GULP1: variants seen among roughly 807,000 people sequenced by gnomAD.
GULP1 encodes PTB domain-containing engulfment adapter protein 1.
A neutral mutation model predicts 40.9 loss-of-function variants in GULP1; 19 were observed. That is an observed-to-expected ratio of 0.46 (90% CI 0.32 to 0.68). The LOEUF is 0.68. Ranked by LOEUF, GULP1 falls within the 30% of genes least tolerant of loss-of-function variation. The probability of loss-of-function intolerance (pLI) is 0.03; values close to 1 mark genes in which losing one functional copy is unlikely to be tolerated. For missense variants in GULP1, 312 were observed against 362.2 expected (o/e 0.86, Z 1.12); for synonymous variants, 119 against 117.6 (o/e 1.01, Z -0.08).
At chr2:188,319,096 TA>T (rs1242305758) in intron 1 of GULP1, among the ~76,000 whole-genome samples, 1 of 152,196 alleles carries the variant, frequency 6.6e-6, no homozygotes, top group Non-Finnish European at 1.5e-5. Flanking sequence ...GGAACATGAT[TA>T]AAGCTGTTAT....
chr2:188,593,912 A>G lies in GULP1; in HGVS notation c.844-28A>G, dbSNP rs754421247. The G allele has an allele frequency of 4.1e-6, 5 of 1,225,784 alleles. No homozygotes were observed. In the African/African-American group the frequency reaches 4.5e-5, roughly 11 times the overall value. 75.9% of individuals were successfully genotyped at this position (1,225,784 alleles called of 1,614,324 possible). A position where few individuals can be genotyped will look rare whatever the true frequency, so the allele number is the denominator to read the frequency against. On this transcript the variant is annotated intron_variant, in intron 11 of 11. Coordinates refer to ENST00000409830, the MANE Select transcript of GULP1 (RefSeq NM_016315.4). The stretch of plus-strand genomic sequence containing the variant: ...TTTTATTTTGCTGTAAGCATTTCAG[A>G]TATTAATTATTTTATTCTGTTTTAC...
intron 1 of GULP1, among the ~76,000 whole-genome samples, chr2:188,296,298 A>T (rs2034913551): frequency 6.6e-6 from 1 of 152,138 alleles, no homozygotes; most frequent in Admixed American, 6.5e-5. Context: ...CTTTATTTTT[A>T]AAGAGAATGG....
At chr2:188,474,311 A>G (rs1179523040) in intron 2 of GULP1, among the ~76,000 whole-genome samples, 3 of 152,180 alleles carry the variant, frequency 2.0e-5, no homozygotes, top group African/African-American at 7.2e-5. Context: ...GGACTCACCT[A>G]AAACTTGCAT....
intron 1 of GULP1, among the ~76,000 whole-genome samples, chr2:188,298,490 A>G (rs1484260441): frequency 6.6e-6 from 1 of 152,096 alleles, no homozygotes; most frequent in African/African-American, 2.4e-5. Context: ...GCAAAAGTCT[A>G]TTGGTATTTT....
intron 9 of GULP1, among the ~76,000 whole-genome samples, chr2:188,577,606 TCA>T (rs1453221774): frequency 6.6e-6 from 1 of 151,612 alleles, no homozygotes; most frequent in Non-Finnish European, 1.5e-5. Flanking sequence ...CCTGGTCAAG[TCA>T]TTTAGCCTCT....
At chr2:188,364,249 A>AT (rs2046450261) in intron 1 of GULP1, among the ~76,000 whole-genome samples, 1 of 151,960 alleles carries the variant, frequency 6.6e-6, no homozygotes, top group African/African-American at 2.4e-5. Flanking sequence ...GGGTGTTTGC[A>AT]TTTCTGTTAT....
intron 1 of GULP1, among the ~76,000 whole-genome samples, chr2:188,301,677 C>T (rs1279958404): frequency 6.6e-6 from 1 of 152,130 alleles, no homozygotes; most frequent in Admixed American, 6.5e-5. Context: ...AGTCATATGT[C>T]ACATGTCAGG....
At chr2:188,396,948 G>A (rs1263805021) in intron 2 of GULP1, among the ~76,000 whole-genome samples, 1 of 152,164 alleles carries the variant, frequency 6.6e-6, no homozygotes, top group Non-Finnish European at 1.5e-5. Flanking sequence ...GCACTGGTTA[G>A]GGTAAGGCCT....
Position 188,386,959 on chromosome 2 carries a change from C to T in GULP1, c.-45+3070C>T, listed in dbSNP as rs183808159. Among the ~76,000 whole-genome samples the T allele has an allele frequency of 4.6e-5, 7 of 152,158 alleles. No individual in the cohort carries two copies. The East Asian group carries it at 1.2e-3, about 25-fold the overall frequency. ...AGAGGAAAAGTGAATGTTATATGGC[C>T]GAGTGTGGTGGCTCATGCCTGTAAT... On this transcript the variant is annotated intron_variant, in intron 2 of 11. Transcript: ENST00000409830.
At chr2:188,542,127 T>C (rs944991894) in intron 7 of GULP1, 6 of 151,672 alleles carry the variant, frequency 4.0e-5, no homozygotes, top group African/African-American at 1.5e-4. Flanking sequence ...AAAAAACAAC[T>C]TAAAATAATG....
intron 4 of GULP1, among the ~76,000 whole-genome samples, chr2:188,486,672 A>G (rs2061888721): frequency 6.6e-6 from 1 of 151,918 alleles, no homozygotes; most frequent in African/African-American, 2.4e-5. Flanking sequence ...TAGTGTAATG[A>G]TTTGAGATCA....
chr2:188,431,692 G>A (rs868844069), intron 2 of GULP1, among the ~76,000 whole-genome samples: 7 of 151,750 alleles, frequency 4.6e-5, no homozygotes, highest in Non-Finnish European at 5.9e-5. Flanking sequence ...ATCTTATCAC[G>A]ACTTACAAAA....
At chr2:188,341,248 G>A (rs1272962301) in intron 1 of GULP1, among the ~76,000 whole-genome samples, 2 of 152,094 alleles carry the variant, frequency 1.3e-5, no homozygotes, top group Non-Finnish European at 2.9e-5. Flanking sequence ...TGAAGCAGGA[G>A]CAGGCACATC....
intron 1 of GULP1, among the ~76,000 whole-genome samples, chr2:188,321,783 G>A (rs556872641): frequency 6.6e-6 from 1 of 152,158 alleles, no homozygotes; most frequent in East Asian, 1.9e-4. Flanking sequence ...TTGGGAGTCA[G>A]AGGCGGGCAG....
At chr2:188,340,363 G>C (rs1364159522) in intron 1 of GULP1, among the ~76,000 whole-genome samples, 1 of 152,144 alleles carries the variant, frequency 6.6e-6, no homozygotes, top group Non-Finnish European at 1.5e-5. Flanking sequence ...CCCTTCACAG[G>C]CCTTGCAACA....
At chr2:188,330,353 C>G (rs1381820927) in intron 1 of GULP1, among the ~76,000 whole-genome samples, 1 of 152,042 alleles carries the variant, frequency 6.6e-6, no homozygotes, top group African/African-American at 2.4e-5. Context: ...ATGTATAACA[C>G]AAGAACTATG....
chr2:188,571,007 A>C (rs569649755), intron 9 of GULP1, among the ~76,000 whole-genome samples: 1 of 152,152 alleles, frequency 6.6e-6, no homozygotes, highest in Non-Finnish European at 1.5e-5. Flanking sequence ...AAATACAAAA[A>C]ATTATCCAGG....
intron 2 of GULP1, among the ~76,000 whole-genome samples, chr2:188,439,434 G>A (rs984838153): frequency 6.6e-6 from 1 of 152,086 alleles, no homozygotes; most frequent in Non-Finnish European, 1.5e-5. Context: ...GTCATTTACA[G>A]CATTCTTTCT....
chr2:188,588,150 T>C, intron 11 of GULP1: 1 of 578,596 alleles, frequency 1.7e-6, no homozygotes, highest in African/African-American at 1.9e-5. Context: ...TGTTGGTTTT[T>C]TAAATGGTTC....
Sources: allele counts gnomAD v4.1 joint callset (sites outside exome capture counted in the v4.1 genomes callset), GRCh38; gene constraint gnomAD v4.1.1; transcripts MANE v1.5; gene names NCBI Gene and HGNC (gene_info 2026-07-23, HGNC 2026-07-21).